Variants in SHISA6 observed in about 807,000 individuals in gnomAD.
SHISA6 encodes the protein shisa family member 6, also known as protein shisa-6.
A neutral mutation model predicts 47.9 loss-of-function variants in SHISA6; 22 were observed. The ratio of observed to expected loss-of-function variants is 0.46; its 90% CI spans 0.33 to 0.66. SHISA6 has a LOEUF of 0.66. Ranked by LOEUF, SHISA6 falls within the 30% of genes least tolerant of loss-of-function variation. SHISA6 has a pLI of 0.02. For synonymous variants in SHISA6, 388 were observed against 337.8 expected (o/e 1.15, Z -1.63); for missense variants, 680 against 764.6 (o/e 0.89, Z 1.30).
At chr17:11,298,144 A>G (rs928932459) in intron 2 of SHISA6, among the ~76,000 whole-genome samples, 19 of 152,228 alleles carry the variant, frequency 1.2e-4, no homozygotes, top group Non-Finnish European at 1.6e-4. Flanking sequence ...TGAAGCCAAG[A>G]AAGTTAGTTC....
chr17:11,257,998 A>T (rs1010583627), intron 1 of SHISA6, among the ~76,000 whole-genome samples: 6 of 152,222 alleles, frequency 3.9e-5, no homozygotes, highest in Non-Finnish European at 8.8e-5. Context: ...CTTGAATTTT[A>T]TAAAAAAATT....
chr17:11,501,187 C>G lies in SHISA6; in HGVS notation c.896-50709C>G, dbSNP rs532461858. ...GAGTGCAATGGCACAATCTCAGCTC[C>G]CTGCAACCTCCGCCTCCCAGGTTCA... On this transcript the variant is annotated intron_variant, in intron 3 of 5. Coordinates refer to ENST00000441885, the MANE Select transcript of SHISA6 (RefSeq NM_207386.4). Among the ~76,000 whole-genome samples the G allele has an allele frequency of 7.9e-5, 12 of 151,790 alleles. No homozygotes were observed. In the South Asian group the frequency reaches 2.5e-3, roughly 32 times the overall value.
chr17:11,260,906 C>T (rs913032036), intron 1 of SHISA6, among the ~76,000 whole-genome samples: 1 of 152,136 alleles, frequency 6.6e-6, no homozygotes, highest in African/African-American at 2.4e-5. Flanking sequence ...GAAGCTGCTG[C>T]CCACTCTTTT....
intron 1 of SHISA6, among the ~76,000 whole-genome samples, chr17:11,249,994 G>C (rs1243211379): frequency 2.0e-5 from 3 of 152,198 alleles, no homozygotes; most frequent in Non-Finnish European, 4.4e-5. Flanking sequence ...ACAATTATTG[G>C]CCTTAAGAAA....
At chr17:11,358,925 G>A (rs1912169639) in intron 2 of SHISA6, among the ~76,000 whole-genome samples, 1 of 152,202 alleles carries the variant, frequency 6.6e-6, no homozygotes, top group South Asian at 2.1e-4. Context: ...CTCCCAAAGT[G>A]TTGGGATTAC....
chr17:11,362,487 CT>C, intron 2 of SHISA6, among the ~76,000 whole-genome samples: 1 of 152,294 alleles, frequency 6.6e-6, no homozygotes, highest in South Asian at 2.1e-4. Flanking sequence ...CTTTCTGATG[CT>C]TCTACCAATT....
chr17:11,273,213 C>G (rs1234491145), intron 2 of SHISA6, among the ~76,000 whole-genome samples: 1 of 152,222 alleles, frequency 6.6e-6, no homozygotes, highest in African/African-American at 2.4e-5. Flanking sequence ...GGGGTGCTGA[C>G]TGATCTGGGC....
intron 2 of SHISA6, among the ~76,000 whole-genome samples, chr17:11,322,727 T>C (rs2142197383): frequency 6.6e-6 from 1 of 152,336 alleles, no homozygotes; most frequent in East Asian, 1.9e-4. Flanking sequence ...TGTGCATACA[T>C]GGGTTGATCT....
At chr17:11,363,717 G>C (rs576251155) in intron 2 of SHISA6, among the ~76,000 whole-genome samples, 1 of 152,110 alleles carries the variant, frequency 6.6e-6, no homozygotes, top group Non-Finnish European at 1.5e-5. Context: ...ACAGGGAAGA[G>C]GCACTGAAAG....
At chr17:11,263,286 A>T (rs1024871856) in intron 1 of SHISA6, 80 bp from the exon 2 acceptor site, 72 of 1,401,064 alleles carry the variant, frequency 5.1e-5, no homozygotes, top group Non-Finnish European at 1.1e-5. Context: ...ATCAAAGGGC[A>T]TATGAAAGTA....
chr17:11,277,276 T>A (rs992924385), intron 2 of SHISA6, among the ~76,000 whole-genome samples: 1,144 of 62,434 alleles, frequency 0.018, 7 homozygotes, highest in African/African-American at 0.047. Context: ...TCTCTCTCTC[T>A]CTCTCACACA....
rs74584484 is a variant in SHISA6, at chr17:11,478,896, C to T, written c.896-73000C>T. ...TTCTTTTGGCTTAGGATTGACTTGGCGATGCGGGCTCTTTTTTGGTTCCAT... is the reference window on the plus strand; with the variant it reads ...TTCTTTTGGCTTAGGATTGACTTGGTGATGCGGGCTCTTTTTTGGTTCCAT... On this transcript the variant is annotated intron_variant, in intron 3 of 5. Coordinates refer to ENST00000441885, the MANE Select transcript of SHISA6 (RefSeq NM_207386.4). Among the ~76,000 whole-genome samples the T allele has an allele frequency of 1.5e-3, 227 of 146,456 alleles. 1 individual carries two copies. Among genetic ancestry groups the T allele is most frequent in the African/African-American group, 5.1e-3 (199 of 39,220 alleles).
intron 2 of SHISA6, among the ~76,000 whole-genome samples, chr17:11,314,664 T>C (rs1910447479): frequency 6.6e-6 from 1 of 151,784 alleles, no homozygotes; most frequent in African/African-American, 2.4e-5. Flanking sequence ...GCCTCCCAAG[T>C]AGCTAGGATT....
At position 11,559,664 on chromosome 17, in the gene SHISA6, G is replaced by A. The variant is rs1292272323; in HGVS notation, c.*1360G>A. 1 of 152,392 alleles carries A rather than the reference G, an allele frequency of 6.6e-6. No homozygotes were observed. The highest frequency in any genetic ancestry group is 1.5e-5 in the Non-Finnish European group (1 of 68,206). The allele number at this position is 152,392 out of a possible 1,614,324, so 9.4% of individuals were successfully genotyped here. ...AGGTCCTCCAGGCGACTGGCCTAGGGGCTAACTGGGCAGGTCCCCACAGCA... is the reference window on the plus strand; with the variant it reads ...AGGTCCTCCAGGCGACTGGCCTAGGAGCTAACTGGGCAGGTCCCCACAGCA... On this transcript the variant is annotated 3_prime_UTR_variant, in exon 6 of 6. Coordinates refer to ENST00000441885, the MANE Select transcript of SHISA6 (RefSeq NM_207386.4). This position sits in a 1 kb window ranked among gnomAD's most constrained non-coding sequence, Gnocchi z 4.4.
At position 11,242,041 on chromosome 17, in the gene SHISA6, C is replaced by T. The variant is rs1422242613; in HGVS notation, c.619C>T (p.Arg207Trp). ...CTACGACAAGGCCCACCGCCCTCCA[C>T]GGGAGATGAACATCCACAGGTGAGA... ...VSYDKAHRPP[R>W]EMNIHRALAD... Residue 207 changes from arginine to tryptophan, a missense_variant, in exon 1 of 6, where the codon CGG becomes TGG. Arg to Trp is a moderately radical substitution (Grantham distance 101, BLOSUM62 -3). This residue lies in a region of SHISA6 where 559 missense variants were observed against 674.1 expected (regional missense o/e 0.83). Transcript: ENST00000441885. 3.2e-6 allele frequency: 5 copies of T among 1,550,754 alleles called. No homozygotes were observed. The highest frequency in any genetic ancestry group is 4.4e-6 in the Non-Finnish European group (5 of 1,146,996).
chr17:11,517,890 T>G (rs973248282), intron 3 of SHISA6, among the ~76,000 whole-genome samples: 5 of 152,032 alleles, frequency 3.3e-5, no homozygotes, highest in African/African-American at 1.2e-4. Context: ...CCTCCATCAA[T>G]GGCCACTCAT....
At chr17:11,499,336 A>G (rs910142764) in intron 3 of SHISA6, among the ~76,000 whole-genome samples, 1 of 152,118 alleles carries the variant, frequency 6.6e-6, no homozygotes, top group Admixed American at 6.6e-5. Context: ...GGAGTGGACT[A>G]TAAAGCACCA....
chr17:11,373,154 GT>G (rs890619723), intron 2 of SHISA6, among the ~76,000 whole-genome samples: 19 of 150,564 alleles, frequency 1.3e-4, no homozygotes, highest in East Asian at 3.9e-4. Flanking sequence ...AAATTCTAGA[GT>G]TTTTTTTTCT....
At chr17:11,299,716 TTCTC>T (rs1275047540) in intron 2 of SHISA6, among the ~76,000 whole-genome samples, 3 of 152,120 alleles carry the variant, frequency 2.0e-5, no homozygotes, top group Admixed American at 1.3e-4. Flanking sequence ...TCCCATCACC[TTCTC>T]TCTCTGACTC....
Sources: gnomAD v4.1 joint callset for allele counts (sites outside exome capture counted in the v4.1 genomes callset) on GRCh38, gnomAD v4.1.1 for gene constraint, gnomAD v4.1.1 regional missense constraint, Gnocchi (gnomAD v3.1) non-coding constraint, MANE v1.5 for transcripts, NCBI Gene and HGNC (gene_info 2026-07-23, HGNC 2026-07-21) for gene names.